Variants in RGR observed in about 807,000 individuals in gnomAD.
RGR encodes the protein RPE-retinal G protein-coupled receptor.
A neutral mutation model predicts 28.6 loss-of-function variants in RGR; 30 were observed. The observed-to-expected ratio is 1.05, with a 90% CI of 0.78 to 1.42. RGR has a LOEUF of 1.42. Among genes scored for constraint, RGR ranks in the 40% most tolerant of loss-of-function variants. The pLI is 0.00. For missense variants in RGR, 404 were observed against 375.6 expected (o/e 1.08, Z -0.62); for synonymous variants, 180 against 156.4 (o/e 1.15, Z -1.13).
At position 84,258,823 on chromosome 10, in the gene RGR, T is replaced by C. The variant is rs1842921275; in HGVS notation, c.*184T>C. On this transcript the variant is annotated 3_prime_UTR_variant, in exon 7 of 7. Coordinates refer to ENST00000652092, the MANE Select transcript of RGR (RefSeq NM_001012720.2). ...ACAGAAAGAGCCAGATGGACCTGAG[T>C]GTCGGTCACAGCCCCCTACACTCAA... 2 of 809,916 alleles carry C rather than the reference T, an allele frequency of 2.5e-6. No individual in the cohort carries two copies. The highest frequency in any genetic ancestry group is 2.1e-5 in the Admixed American group (1 of 47,312). 50.2% of individuals were successfully genotyped at this position (809,916 alleles called of 1,614,324 possible). A position where few individuals can be genotyped will look rare whatever the true frequency, so the allele number is the denominator to read the frequency against.
intron 1 of RGR, among the ~76,000 whole-genome samples, chr10:84,246,660 G>T (rs1419869692): frequency 6.6e-6 from 1 of 152,100 alleles, no homozygotes; most frequent in Non-Finnish European, 1.5e-5. Context: ...TCGTATCTTT[G>T]CAATTGTGAA....
chr10:84,255,944 G>A (rs1247194077), intron 5 of RGR, among the ~76,000 whole-genome samples: 4 of 149,014 alleles, frequency 2.7e-5, no homozygotes, highest in Middle Eastern at 3.6e-3. Flanking sequence ...GGCTGGTTTC[G>A]AACTCCTGAT....
At position 84,254,438 on chromosome 10, in the gene RGR, C is replaced by G; in HGVS notation, c.625C>G (p.Leu209Val). 6.2e-7 allele frequency: 1 copy of G among 1,613,518 alleles called. No homozygotes were observed. Residue 209 changes from leucine to valine, a missense_variant, in exon 5 of 7, where the codon CTC (leucine) becomes GTC (valine). Physicochemically the swap from Leu to Val is conservative, Grantham distance 32 (BLOSUM62 1). Transcript: ENST00000652092. ...GCAGAAACTGGGGAAGAGTGGCCAT[C>G]TCCAGGTAAGGACCCCCTTCCGGAG... ...MEQKLGKSGH[L>V]QVNTTLPART...
intron 1 of RGR, among the ~76,000 whole-genome samples, chr10:84,247,360 A>ATTTG (rs1420083616): frequency 2.0e-5 from 3 of 152,140 alleles, no homozygotes; most frequent in African/African-American, 7.2e-5. Flanking sequence ...ATCCAAGTAA[A>ATTTG]GATTGAATGA....
chr10:84,247,220 G>A (rs758165735), intron 1 of RGR, among the ~76,000 whole-genome samples: 4 of 152,152 alleles, frequency 2.6e-5, no homozygotes, highest in Non-Finnish European at 4.4e-5. Context: ...ACAGTCCTTG[G>A]AGAAGGCATT....
intron 1 of RGR, among the ~76,000 whole-genome samples, 179 bp from the exon 2 acceptor site, chr10:84,247,412 C>T (rs1286746782): frequency 6.6e-6 from 1 of 152,104 alleles, no homozygotes; most frequent in Admixed American, 6.5e-5. Flanking sequence ...CTGGTGTGTG[C>T]TAAGTGCCTG....
At chr10:84,250,436 T>C in intron 3 of RGR, 1 of 717,130 alleles carries the variant, frequency 1.4e-6, no homozygotes, top group Non-Finnish European at 2.6e-6. Context: ...AGGTTAGCCC[T>C]CTTGTCCACT....
At chr10:84,248,663 GGATCTGATCACGCAGAGA>G in intron 2 of RGR, 1 of 587,664 alleles carries the variant, frequency 1.7e-6, no homozygotes. Context: ...TGTGACAGAG[GGATCTGATCACGCAGAGA>G]GAGCCTATGG....
chr10:84,254,320 C>T lies in RGR; in HGVS notation c.513-6C>T. ...AACCCCAATCCTCCACCCGCTCTCC[C>T]TGTAGAAACTTCACCAGCTTCCTCT... is the stretch of plus-strand genomic sequence containing the variant. On this transcript the variant is annotated splice_polypyrimidine_tract_variant and splice_region_variant and intron_variant, in intron 4 of 6. Transcript: ENST00000652092. The T allele has an allele frequency of 3.7e-6, 6 of 1,613,640 alleles. No homozygotes were observed. The highest frequency in any genetic ancestry group is 5.1e-6 in the Non-Finnish European group (6 of 1,179,534).
chr10:84,253,867 C>A lies in RGR; in HGVS notation c.513-459C>A, dbSNP rs370431812. Among the ~76,000 whole-genome samples the A allele has an allele frequency of 7.2e-5, 11 of 152,274 alleles. No homozygotes were observed. In the East Asian group the frequency reaches 1.9e-3, roughly 27 times the overall value. On this transcript the variant is annotated intron_variant, in intron 4 of 6. Transcript: ENST00000652092. ...CTGTCTCCCTGGGACTCCCACTATT[C>A]CCTTCACCTCCCCATGACCACTACC... is the stretch of plus-strand genomic sequence containing the variant.
At chr10:84,249,178 A>G in intron 3 of RGR, 135 bp downstream of exon 3, 1 of 1,263,390 alleles carries the variant, frequency 7.9e-7, no homozygotes, top group Non-Finnish European at 1.1e-6. Context: ...GTGAGTGTGC[A>G]TGCATAGGCA....
intron 5 of RGR, among the ~76,000 whole-genome samples, chr10:84,257,018 GA>G (rs5786651): frequency 0.066 from 9,921 of 150,960 alleles, 426 homozygotes; most frequent in Admixed American, 0.088. Context: ...CAGTTAAGAG[GA>G]AAAAAAAAGT....
At position 84,249,028 on chromosome 10, in the gene RGR, C is replaced by T; in HGVS notation, c.343C>T (p.His115Tyr). The change falls in exon 3 of 7, where the codon CAC (histidine) becomes TAC (tyrosine). Residue 115 changes from histidine (H) to tyrosine (Y), a missense_variant. Coordinates refer to ENST00000652092, the MANE Select transcript of RGR (RefSeq NM_001012720.2). ...TGCAGCCATCGCATGGGGGCGTTAT[C>T]ACCACTACTGCACCCGTATGTATCT... ...SSAAIAWGRY[H>Y]HYCTRSQLAW... is the part of the protein sequence containing the mutation. 2 of 1,614,024 alleles carry T rather than the reference C, an allele frequency of 1.2e-6. No individual in the cohort carries two copies. Among genetic ancestry groups the T allele is most frequent in the Non-Finnish European group, 1.7e-6 (2 of 1,179,904 alleles).
At chr10:84,247,561 C>T in intron 1 of RGR, 30 bp from the exon 2 acceptor site, 2 of 1,613,870 alleles carry the variant, frequency 1.2e-6, no homozygotes, top group Non-Finnish European at 1.7e-6. Context: ...CCTCAGCAGC[C>T]CCAATGCCAG....
At position 84,252,918 on chromosome 10, in the gene RGR, C is replaced by A; in HGVS notation, c.420C>A (p.Ala140=). Residue 140 remains alanine, a synonymous_variant, in exon 4 of 7, where the codon GCC becomes GCA. Coordinates refer to ENST00000652092, the MANE Select transcript of RGR (RefSeq NM_001012720.2). ...TGCTCTTCGTGTGGCTGTCTTCTGC[C>A]TTCTGGGCAGCTCTGCCCCTTCTGG... is the stretch of plus-strand genomic sequence containing the variant. ...SLVLFVWLSS[A]FWAALPLLGW... 1 of 1,614,134 alleles carries A rather than the reference C, an allele frequency of 6.2e-7. No homozygotes were observed. The highest frequency in any genetic ancestry group is 1.1e-5 in the South Asian group (1 of 91,088).
chr10:84,254,204 C>A (rs1030506955), intron 4 of RGR, 122 bp from the exon 5 acceptor site: 3 of 871,250 alleles, frequency 3.4e-6, no homozygotes, highest in African/African-American at 1.6e-5. Flanking sequence ...AACCACACTG[C>A]GAGCTTGTCT....
chr10:84,256,957 C>T (rs736139), intron 5 of RGR, among the ~76,000 whole-genome samples: 43,749 of 151,708 alleles, frequency 0.29, 8,097 homozygotes, highest in African/African-American at 0.53. Context: ...GGGAGGGCCC[C>T]GAGGTGCTGA....
intron 2 of RGR, chr10:84,248,320 A>G: frequency 2.1e-6 from 1 of 475,268 alleles, no homozygotes; most frequent in Non-Finnish European, 3.2e-6. Context: ...TACAAAAACC[A>G]GGGTCTTCCA....
chr10:84,250,099 C>A (rs141665532), intron 3 of RGR, among the ~76,000 whole-genome samples: 1 of 152,174 alleles, frequency 6.6e-6, no homozygotes, highest in East Asian at 1.9e-4. Context: ...TCCTAGCAAA[C>A]CTTCAGCTCA....
Sources: gnomAD v4.1 joint callset for allele counts (sites outside exome capture counted in the v4.1 genomes callset) on GRCh38, gnomAD v4.1.1 for gene constraint, MANE v1.5 for transcripts, NCBI Gene and HGNC (gene_info 2026-07-23, HGNC 2026-07-21) for gene names.